Variants in RPS6KC1 observed in about 807,000 individuals in gnomAD.
RPS6KC1 encodes ribosomal protein S6 kinase C1.
In RPS6KC1, 54 loss-of-function variants were observed where a neutral mutation model predicts 103.8. That is an observed-to-expected ratio of 0.52 (90% CI 0.42 to 0.65). The LOEUF (loss-of-function observed/expected upper bound fraction) is 0.65. RPS6KC1 is among the 30% of genes least tolerant of loss of function. The pLI, the probability that RPS6KC1 is intolerant of heterozygous loss-of-function variation, is 0.00. For missense variants in RPS6KC1, 1,151 were observed against 1,253.8 expected (o/e 0.92, Z 1.24); for synonymous variants, 439 against 438.7 (o/e 1.00, Z -0.01).
At chr1:213,685,640 A>G in the RPS6KC1 span, among the ~76,000 whole-genome samples, 1 of 152,018 alleles carries the variant, frequency 6.6e-6, no homozygotes, top group Non-Finnish European at 1.5e-5. Flanking sequence ...AAAAAAAAAA[A>G]AAAAAGATAA....
At chr1:213,339,181 A>T in the RPS6KC1 span, among the ~76,000 whole-genome samples, 3 of 152,166 alleles carry the variant, frequency 2.0e-5, no homozygotes, top group African/African-American at 7.2e-5. Flanking sequence ...CAGGATAATC[A>T]CTTGAACCTG....
chr1:213,342,098 G>A, the RPS6KC1 span, among the ~76,000 whole-genome samples: 2 of 152,170 alleles, frequency 1.3e-5, no homozygotes, highest in African/African-American at 4.8e-5. Context: ...TTATAGCTTG[G>A]TCAATTTCTC....
the RPS6KC1 span, among the ~76,000 whole-genome samples, chr1:213,491,328 C>T: frequency 1.3e-5 from 2 of 152,162 alleles, no homozygotes; most frequent in South Asian, 2.1e-4. Flanking sequence ...TGGGTGGATC[C>T]TTTGAGGCCA....
chr1:213,787,792 C>T, the RPS6KC1 span, among the ~76,000 whole-genome samples: 1 of 152,026 alleles, frequency 6.6e-6, no homozygotes, highest in Non-Finnish European at 1.5e-5. Context: ...GTGGAAAGGG[C>T]CTATACAGGA....
chr1:213,226,812 G>C (rs2093974664), intron 8 of RPS6KC1, among the ~76,000 whole-genome samples: 1 of 152,106 alleles, frequency 6.6e-6, no homozygotes, highest in South Asian at 2.1e-4. Flanking sequence ...TCTGTCACCT[G>C]AACCACTATG....
intron 6 of RPS6KC1, among the ~76,000 whole-genome samples, chr1:213,151,683 C>G (rs566367700): frequency 0.63 from 39,523 of 62,260 alleles, 13,043 homozygotes; most frequent in African/African-American, 0.79. Context: ...GCCGGGCAGA[C>G]GCGCCCCTCA....
the RPS6KC1 span, among the ~76,000 whole-genome samples, chr1:213,775,246 T>C: frequency 1.3e-5 from 2 of 152,242 alleles, no homozygotes; most frequent in Non-Finnish European, 2.9e-5. Flanking sequence ...TGTACACTTA[T>C]ACATAATTTA....
At chr1:213,318,219 C>G in the RPS6KC1 span, among the ~76,000 whole-genome samples, 1 of 152,226 alleles carries the variant, frequency 6.6e-6, no homozygotes, top group Non-Finnish European at 1.5e-5. Flanking sequence ...TTCCTTTGGA[C>G]CCCTGGATTG....
chr1:213,363,747 TTCTCTTTC>T, the RPS6KC1 span, among the ~76,000 whole-genome samples: 5 of 104,244 alleles, frequency 4.8e-5, no homozygotes, highest in Non-Finnish European at 9.5e-5. Flanking sequence ...TCTCTCTTCT[TTCTCTTTC>T]TCTCTTCTTT....
chr1:213,182,632 A>G (rs190404669), intron 8 of RPS6KC1, among the ~76,000 whole-genome samples: 7 of 151,986 alleles, frequency 4.6e-5, no homozygotes, highest in Admixed American at 3.3e-4. Context: ...CTAACACATT[A>G]TAAATATACC....
At chr1:213,414,822 TG>T in the RPS6KC1 span, among the ~76,000 whole-genome samples, 28 of 94,360 alleles carry the variant, frequency 3.0e-4, no homozygotes, top group Admixed American at 1.2e-3. Context: ...GGGGGCAGGG[TG>T]GGGGCAGAGG....
the RPS6KC1 span, among the ~76,000 whole-genome samples, chr1:213,776,039 C>G: frequency 6.6e-6 from 1 of 152,176 alleles, no homozygotes; most frequent in Non-Finnish European, 1.5e-5. Context: ...TATTTTCAGG[C>G]TCCACTTCTA....
chr1:213,805,936 C>T, the RPS6KC1 span, among the ~76,000 whole-genome samples: 1 of 152,362 alleles, frequency 6.6e-6, no homozygotes, highest in South Asian at 2.1e-4. Context: ...CCTTGTACAT[C>T]TTCATCAGAG....
the RPS6KC1 span, among the ~76,000 whole-genome samples, chr1:213,862,539 ATCT>A: frequency 6.6e-6 from 1 of 152,096 alleles, no homozygotes; most frequent in African/African-American, 2.4e-5. Context: ...TGCTTTTGCA[ATCT>A]TCTTTCTTCT....
the RPS6KC1 span, among the ~76,000 whole-genome samples, chr1:213,754,205 T>C: frequency 6.6e-6 from 1 of 152,236 alleles, no homozygotes; most frequent in Non-Finnish European, 1.5e-5. Context: ...TATGCCAGCA[T>C]GGTTGAGTTC....
the RPS6KC1 span, among the ~76,000 whole-genome samples, chr1:213,862,353 G>A: frequency 2.2e-4 from 33 of 152,144 alleles, no homozygotes; most frequent in South Asian, 4.1e-4. Flanking sequence ...CCGATGGTCC[G>A]GAGGGTCACA....
the RPS6KC1 span, among the ~76,000 whole-genome samples, chr1:213,574,249 C>T: frequency 2.6e-5 from 4 of 152,272 alleles, no homozygotes; most frequent in East Asian, 7.7e-4. Context: ...GGTTGGTGCC[C>T]TCTTGCCGTT....
the RPS6KC1 span, among the ~76,000 whole-genome samples, chr1:213,485,011 C>T: frequency 2.0e-5 from 3 of 152,046 alleles, no homozygotes; most frequent in African/African-American, 4.8e-5. Context: ...TATAGGCACA[C>T]ACCACCATGC....
intron 6 of RPS6KC1, among the ~76,000 whole-genome samples, chr1:213,145,870 C>G (rs1055284343): frequency 4.0e-5 from 6 of 150,632 alleles, no homozygotes; most frequent in Non-Finnish European, 5.9e-5. Context: ...TATGAACAAT[C>G]CAATTACACG....
Sources: allele counts gnomAD v4.1 joint callset (sites outside exome capture counted in the v4.1 genomes callset), GRCh38; gene constraint gnomAD v4.1.1; transcripts MANE v1.5; gene names NCBI Gene and HGNC (gene_info 2026-07-23, HGNC 2026-07-21).